PTGER4: variants seen among roughly 807,000 people sequenced by gnomAD.
PTGER4 encodes prostaglandin E2 receptor EP4 subtype.
In PTGER4, 11 loss-of-function variants were observed where a neutral mutation model predicts 33.2. The observed-to-expected ratio is 0.33, with a 90% CI of 0.21 to 0.55. The LOEUF (loss-of-function observed/expected upper bound fraction) is 0.55, where lower values mean the gene tolerates loss of function less well. Among genes scored for constraint, PTGER4 ranks in the 20% least tolerant of loss-of-function variants. PTGER4 has a pLI of 0.92. For synonymous variants in PTGER4, 275 were observed against 281.5 expected (o/e 0.98, Z 0.23); for missense variants, 481 against 650.2 (o/e 0.74, Z 2.83).
Position 40,692,571 on chromosome 5 carries a change from G to A in PTGER4, c.*193G>A, listed in dbSNP as rs1290170875. ...ACGTGGGTCCTGAGGCCTGCAGCACGTCGGATGCTACCCCACTATGACAGA... is the reference window on the plus strand; with the variant it reads ...ACGTGGGTCCTGAGGCCTGCAGCACATCGGATGCTACCCCACTATGACAGA... On this transcript the variant is annotated 3_prime_UTR_variant, in exon 3 of 3. Transcript: ENST00000302472. 1.8e-5 allele frequency: 25 copies of A among 1,373,174 alleles called. 1 individual carries two copies. Among genetic ancestry groups the A allele is most frequent in the East Asian group, 1.1e-4 (4 of 36,474 alleles). The allele number at this position is 1,373,174 out of a possible 1,614,324, so 85.1% of individuals were successfully genotyped here.
At chr5:40,716,159 T>C in the PTGER4 span, 1 of 1,603,644 alleles carries the variant, frequency 6.2e-7, no homozygotes, top group Non-Finnish European at 8.5e-7. Context: ...CGGGCTTTGA[T>C]AAAAACAGAG....
At chr5:40,734,756 A>C in the PTGER4 span, among the ~76,000 whole-genome samples, 2 of 152,248 alleles carry the variant, frequency 1.3e-5, no homozygotes, top group African/African-American at 4.8e-5. Flanking sequence ...ATAAGTACTA[A>C]GGATGCAGCA....
chr5:40,709,535 G>A, the PTGER4 span, among the ~76,000 whole-genome samples: 1 of 152,074 alleles, frequency 6.6e-6, no homozygotes, highest in Non-Finnish European at 1.5e-5. Context: ...AATAAAAGAG[G>A]ATACAAATAA....
downstream of PTGER4, among the ~76,000 whole-genome samples, chr5:40,696,982 A>AGAG (rs66476258): frequency 0.34 from 41,882 of 124,574 alleles, 6,306 homozygotes; most frequent in East Asian, 0.57. Context: ...GAGAGAGAGA[A>AGAG]AGAGAGAAAG....
chr5:40,728,437 C>T, the PTGER4 span: 1 of 1,613,698 alleles, frequency 6.2e-7, no homozygotes. Context: ...ATTTCTGCTG[C>T]ATGTACTGCT....
rs888495876 is a variant in PTGER4 at position 40,681,393 on chromosome 5, C to G, written c.400C>G (p.Arg134Gly). 6 of 1,614,116 alleles carry G rather than the reference C, an allele frequency of 3.7e-6. No homozygotes were observed. The highest frequency in any genetic ancestry group is 5.1e-6 in the Non-Finnish European group (6 of 1,180,050). The change falls in exon 2 of 3, where the codon CGA becomes GGA. Residue 134 changes from arginine (R) to glycine (G), a missense_variant. This residue lies in a region of PTGER4 where 43 missense variants were observed against 39.4 expected (regional missense o/e 1.09). Transcript: ENST00000302472. The surrounding 1 kb of genome is among the most constrained non-coding windows in gnomAD (Gnocchi z 9.8). ...AYFYSHYVDK[R>G]LAGLTLFAVY... ...TTTCTACAGCCACTACGTGGACAAG[C>G]GATTGGCGGGCCTCACGCTCTTTGC... is the stretch of plus-strand genomic sequence containing the variant.
At chr5:40,728,219 G>A in the PTGER4 span, 1 of 715,052 alleles carries the variant, frequency 1.4e-6, no homozygotes, top group East Asian at 3.3e-5. Context: ...AGGAGGCGGA[G>A]GTTGCCGTGA....
Position 40,680,883 on chromosome 5 carries a change from C to G in PTGER4, c.-43-68C>G. 1 of 1,344,346 alleles carries G rather than the reference C, an allele frequency of 7.4e-7. No homozygotes were observed. The highest frequency in any genetic ancestry group is 1.5e-5 in the African/African-American group (1 of 68,458). 83.3% of individuals were successfully genotyped at this position (1,344,346 alleles called of 1,614,324 possible). On this transcript the variant is annotated intron_variant, in intron 1 of 2. Transcript: ENST00000302472. This position sits in a 1 kb window ranked among gnomAD's most constrained non-coding sequence, Gnocchi z 5.5. ...TTATCAGTGTATCGTTTCTCGGGCG[C>G]GGGTCTAACACCTTACAAGTGGTAA...
At chr5:40,718,026 T>C in the PTGER4 span, among the ~76,000 whole-genome samples, 2 of 150,738 alleles carry the variant, frequency 1.3e-5, no homozygotes, top group South Asian at 4.2e-4. Flanking sequence ...CGCACAATTA[T>C]GCTCCAGCCT....
At position 40,681,889 on chromosome 5, in the gene PTGER4, G is replaced by T; in HGVS notation, c.867+29G>T. ...AGTGACCGGGGCTGGGGCCCTACTC[G>T]GCCTTTTTCTCGCATCCACCTCCCG... On this transcript the variant is annotated intron_variant, in intron 2 of 2. Transcript: ENST00000302472. This position sits in a 1 kb window ranked among gnomAD's most constrained non-coding sequence, Gnocchi z 9.8. The T allele has an allele frequency of 6.8e-7, 1 of 1,479,846 alleles. No individual in the cohort carries two copies. The highest frequency in any genetic ancestry group is 8.9e-7 in the Non-Finnish European group (1 of 1,119,588). 91.7% of individuals were successfully genotyped at this position (1,479,846 alleles called of 1,614,324 possible).
the PTGER4 span, among the ~76,000 whole-genome samples, chr5:40,704,676 A>G: frequency 1.3e-5 from 2 of 152,228 alleles, no homozygotes; most frequent in Admixed American, 1.3e-4. Context: ...ATTCCTATAC[A>G]CCAACAACAA....
chr5:40,696,215 CA>C (rs1333123509), downstream of PTGER4, among the ~76,000 whole-genome samples: 2 of 152,220 alleles, frequency 1.3e-5, no homozygotes, highest in Non-Finnish European at 2.9e-5. Flanking sequence ...AATCAAGGCA[CA>C]GTAATATTTA....
chr5:40,686,887 G>A (rs1741336362), intron 2 of PTGER4, among the ~76,000 whole-genome samples: 1 of 152,094 alleles, frequency 6.6e-6, no homozygotes, highest in African/African-American at 2.4e-5. Flanking sequence ...GACAGAGTGA[G>A]ACCCTTTCTA....
the PTGER4 span, among the ~76,000 whole-genome samples, chr5:40,744,487 G>GTTTT: frequency 4.4e-5 from 6 of 136,400 alleles, no homozygotes; most frequent in Non-Finnish European, 4.7e-5. Context: ...ACTCTTACCA[G>GTTTT]TTTTTTTTTT....
At chr5:40,730,207 C>T in the PTGER4 span, 42 of 1,388,538 alleles carry the variant, frequency 3.0e-5, 1 homozygote, top group Middle Eastern at 5.5e-4. Context: ...TGCTCACTCA[C>T]CGAACAAACA....
rs1313802637 is a variant in PTGER4, at chr5:40,681,813, C to T, written c.820C>T (p.Leu274Phe). The T allele has an allele frequency of 1.3e-6, 2 of 1,584,312 alleles. No homozygotes were observed. The highest frequency in any genetic ancestry group is 1.1e-5 in the South Asian group (1 of 86,986). The change falls in exon 2 of 3, where the codon CTC becomes TTC. Residue 274 changes from leucine to phenylalanine, a missense_variant. This residue lies in a region of PTGER4 where 174 missense variants were observed against 210.5 expected (regional missense o/e 0.83). Coordinates refer to ENST00000302472, the MANE Select transcript of PTGER4 (RefSeq NM_000958.3). The surrounding 1 kb of genome is among the most constrained non-coding windows in gnomAD (Gnocchi z 9.8). The part of the protein sequence containing the change: ...AGAEIQMVIL[L>F]IATSLVVLIC... ...CGCCGAGATCCAGATGGTCATCTTA[C>T]TCATTGCCACCTCCCTGGTGGTGCT...
At chr5:40,706,471 C>T in the PTGER4 span, among the ~76,000 whole-genome samples, 5 of 151,898 alleles carry the variant, frequency 3.3e-5, no homozygotes, top group African/African-American at 1.2e-4. Context: ...GTACCCCAAA[C>T]CTAAAATAAA....
the PTGER4 span, among the ~76,000 whole-genome samples, chr5:40,732,732 C>G: frequency 1.3e-5 from 2 of 152,094 alleles, no homozygotes; most frequent in Non-Finnish European, 2.9e-5. Context: ...CCTCAGCCCC[C>G]CGAGTGGCTG....
At chr5:40,744,982 T>C in the PTGER4 span, among the ~76,000 whole-genome samples, 3 of 152,038 alleles carry the variant, frequency 2.0e-5, no homozygotes, top group Admixed American at 6.5e-5. Flanking sequence ...TTAGACTCAA[T>C]CTCTACACCT....
Sources: gnomAD v4.1 joint callset for allele counts (sites outside exome capture counted in the v4.1 genomes callset) on GRCh38, gnomAD v4.1.1 for gene constraint, gnomAD v4.1.1 regional missense constraint, Gnocchi (gnomAD v3.1) non-coding constraint, MANE v1.5 for transcripts, NCBI Gene and HGNC (gene_info 2026-07-23, HGNC 2026-07-21) for gene names.